Variants in NOL4L observed in about 807,000 individuals in gnomAD.
NOL4L encodes nucleolar protein 4 like.
Under a neutral mutation model 64.5 loss-of-function variants are expected in NOL4L, and 7 were observed. The observed-to-expected ratio is 0.11, with a 90% CI of 0.06 to 0.20. NOL4L has a LOEUF of 0.20. Ranked by LOEUF, NOL4L falls within the 10% of genes least tolerant of loss-of-function variation. The pLI is 1.00. For synonymous variants in NOL4L, 413 were observed against 401.0 expected (o/e 1.03, Z -0.36); for missense variants, 680 against 967.1 (o/e 0.70, Z 3.94).
chr20:32,532,070 T>G (rs568321369), intron 1 of NOL4L, among the ~76,000 whole-genome samples: 1 of 152,318 alleles, frequency 6.6e-6, no homozygotes, highest in African/African-American at 2.4e-5. Flanking sequence ...CCACCTGCCC[T>G]CTTAGGTTGA....
intron 1 of NOL4L, chr20:32,548,879 C>G: frequency 2.3e-6 from 1 of 433,008 alleles, no homozygotes; most frequent in Non-Finnish European, 4.6e-6. Context: ...AAATTGAATA[C>G]TACACAGCTG....
At chr20:32,560,326 C>T (rs1378271341) in intron 1 of NOL4L, among the ~76,000 whole-genome samples, 1 of 152,134 alleles carries the variant, frequency 6.6e-6, no homozygotes, top group East Asian at 1.9e-4. Flanking sequence ...AGGAGGGGAG[C>T]GTGTCAAGGG....
chr20:32,459,524 C>T (rs1249163969), intron 5 of NOL4L, among the ~76,000 whole-genome samples: 2 of 151,898 alleles, frequency 1.3e-5, no homozygotes, highest in East Asian at 1.9e-4. Flanking sequence ...GCTGGGATTA[C>T]AGGCGCCCGC....
At position 32,464,995 on chromosome 20, in the gene NOL4L, A is replaced by T; in HGVS notation, c.842-8600T>A. 1 of 610,900 alleles carries T rather than the reference A, an allele frequency of 1.6e-6. No individual in the cohort carries two copies. The highest frequency in any genetic ancestry group is 3.0e-6 in the Non-Finnish European group (1 of 337,690). 37.8% of individuals were successfully genotyped at this position (610,900 alleles called of 1,614,324 possible). A position where few individuals can be genotyped will look rare whatever the true frequency, so the allele number is the denominator to read the frequency against. Reference sequence around the variant, plus strand: ...AATGAATTAGACGTCACACACCTAGATCTTCCCCTAAAACTGAAATCATTT... The same window carrying T: ...AATGAATTAGACGTCACACACCTAGTTCTTCCCCTAAAACTGAAATCATTT... On this transcript the variant is annotated intron_variant, in intron 5 of 10. Transcript: ENST00000621426. The surrounding 1 kb of genome is among the most constrained non-coding windows in gnomAD (Gnocchi z 5.6).
intron 4 of NOL4L, chr20:32,474,982 A>G (rs1224180361): frequency 7.1e-6 from 7 of 985,014 alleles, no homozygotes; most frequent in African/African-American, 1.7e-5. Context: ...ATTGAAGACA[A>G]TTATGAGGTC....
At position 32,464,920 on chromosome 20, in the gene NOL4L, CA is replaced by C; in HGVS notation, c.842-8526del. ...AGCCGCTGAGACGCAGCGTGTATTG[CA>C]CACCTGTCTGCACTAGCCTTTTCCA... On this transcript the variant is annotated intron_variant, in intron 5 of 10. Coordinates refer to ENST00000621426, the MANE Select transcript of NOL4L (RefSeq NM_001256798.2). The surrounding 1 kb of genome is among the most constrained non-coding windows in gnomAD (Gnocchi z 5.6). The C allele has an allele frequency of 2.1e-6, 1 of 472,206 alleles. No individual in the cohort carries two copies. The highest frequency in any genetic ancestry group is 3.9e-6 in the Non-Finnish European group (1 of 256,754). The allele number at this position is 472,206 out of a possible 1,614,324, so 29.3% of individuals were successfully genotyped here. A position where few individuals can be genotyped will look rare whatever the true frequency, so the allele number is the denominator to read the frequency against.
intron 1 of NOL4L, among the ~76,000 whole-genome samples, chr20:32,564,155 C>G (rs1474705843): frequency 1.3e-5 from 2 of 152,212 alleles, no homozygotes; most frequent in African/African-American, 2.4e-5. Flanking sequence ...CATGACACAT[C>G]CACACAGTCT....
chr20:32,516,746 C>T (rs293568), intron 3 of NOL4L, among the ~76,000 whole-genome samples: 19,425 of 152,096 alleles, frequency 0.13, 1,697 homozygotes, highest in African/African-American at 0.25. Context: ...GCCAGGCTGG[C>T]AAGGAGGGAT....
intron 1 of NOL4L, among the ~76,000 whole-genome samples, chr20:32,566,660 T>G (rs1296524322): frequency 2.0e-5 from 3 of 152,180 alleles, no homozygotes; most frequent in Non-Finnish European, 4.4e-5. Context: ...CCGTATAATT[T>G]GCTCCTACGG....
intron 4 of NOL4L, among the ~76,000 whole-genome samples, chr20:32,498,127 CG>C (rs924138888): frequency 1.3e-5 from 2 of 152,170 alleles, no homozygotes; most frequent in African/African-American, 2.4e-5. Context: ...TGTTCAGGTT[CG>C]GGGTATCTGC....
At chr20:32,481,657 T>G (rs951176943) in intron 4 of NOL4L, among the ~76,000 whole-genome samples, 4 of 152,160 alleles carry the variant, frequency 2.6e-5, no homozygotes, top group African/African-American at 9.7e-5. Flanking sequence ...AAAACCCTGC[T>G]CTATAAAGCA....
Position 32,447,762 on chromosome 20 carries a change from G to A in NOL4L, c.1877C>T (p.Thr626Met), listed in dbSNP as rs745812555. ...GGASTTSTTP[T>M]PTPSSTSTSR... ...GGTGCTGGTGCTGGAGGGGGTGGGC[G>A]TGGGGGTGGTGGAGGTGGTAGAGGC... The change falls in exon 11 of 11, where the codon ACG (threonine) becomes ATG (methionine). Residue 626 changes from threonine (T) to methionine (M), a missense_variant. By Grantham distance (81) the Thr-to-Met change is moderately conservative. Transcript: ENST00000621426. The A allele has an allele frequency of 7.6e-6, 12 of 1,589,288 alleles. No homozygotes were observed. Among genetic ancestry groups the A allele is most frequent in the African/African-American group, 5.4e-5 (4 of 74,376 alleles).
intron 6 of NOL4L, chr20:32,454,005 A>T (rs2013213122): frequency 1.9e-6 from 1 of 532,492 alleles, no homozygotes; most frequent in Non-Finnish European, 3.4e-6. Context: ...GCAATAGTGT[A>T]TGCAGAGACC....
chr20:32,474,417 G>A (rs980374810), intron 5 of NOL4L, among the ~76,000 whole-genome samples, 184 bp downstream of exon 5: 5 of 152,258 alleles, frequency 3.3e-5, no homozygotes, highest in African/African-American at 4.8e-5. Context: ...GCCAGGAGCT[G>A]GGGCACTGGG....
At chr20:32,570,618 G>A (rs1979698292) in intron 1 of NOL4L, among the ~76,000 whole-genome samples, 1 of 152,096 alleles carries the variant, frequency 6.6e-6, no homozygotes, top group African/African-American at 2.4e-5. Flanking sequence ...GGGGCCCAGC[G>A]GGTGTCCAGA....
At chr20:32,583,957 T>G (rs1431834257) in intron 1 of NOL4L, among the ~76,000 whole-genome samples, 1 of 144,862 alleles carries the variant, frequency 6.9e-6, no homozygotes, top group Non-Finnish European at 1.5e-5. Context: ...AGGCTGCTCC[T>G]GCGCCAGGCT....
chr20:32,515,907 C>T (rs1217422529), intron 3 of NOL4L, among the ~76,000 whole-genome samples: 1 of 149,354 alleles, frequency 6.7e-6, no homozygotes, highest in Non-Finnish European at 1.5e-5. Context: ...AAAATGGAAA[C>T]CAGCCCAGGC....
At chr20:32,458,335 G>A (rs1015525421) in intron 5 of NOL4L, among the ~76,000 whole-genome samples, 5 of 152,230 alleles carry the variant, frequency 3.3e-5, no homozygotes, top group African/African-American at 1.2e-4. Context: ...TCAAGGTCTG[G>A]TTCCACACTG....
At chr20:32,531,302 G>A (rs1473320562) in intron 1 of NOL4L, among the ~76,000 whole-genome samples, 1 of 152,160 alleles carries the variant, frequency 6.6e-6, no homozygotes, top group African/African-American at 2.4e-5. Context: ...TTTTATGTAG[G>A]TGAGATGGAA....
Sources: allele counts gnomAD v4.1 joint callset (sites outside exome capture counted in the v4.1 genomes callset), GRCh38; gene constraint gnomAD v4.1.1; non-coding constraint Gnocchi (gnomAD v3.1); transcripts MANE v1.5; gene names NCBI Gene and HGNC (gene_info 2026-07-23, HGNC 2026-07-21).